Variants in PKHD1 observed in about 807,000 individuals in gnomAD.
The protein encoded by PKHD1 is fibrocystin.
PKHD1 carries 291 observed loss-of-function variants against 412.0 expected under a neutral mutation model. The ratio of observed to expected loss-of-function variants is 0.71; its 90% CI spans 0.64 to 0.78. The LOEUF (loss-of-function observed/expected upper bound fraction) is 0.78. Ranked by LOEUF, PKHD1 falls within the 30% of genes least tolerant of loss-of-function variation. The pLI is 0.00. For missense variants in PKHD1, 4,825 were observed against 4,950.7 expected (o/e 0.97, Z 0.76); for synonymous variants, 1,777 against 1,821.5 (o/e 0.98, Z 0.62).
At chr6:51,810,181 A>G (rs1764478707) in intron 52 of PKHD1, among the ~76,000 whole-genome samples, 1 of 152,128 alleles carries the variant, frequency 6.6e-6, no homozygotes. Flanking sequence ...TTTTAAAAAA[A>G]TTGATTTGGG....
chr6:51,709,710 A>C (rs899216060), intron 60 of PKHD1, among the ~76,000 whole-genome samples: 7 of 152,242 alleles, frequency 4.6e-5, no homozygotes, highest in African/African-American at 1.7e-4. Context: ...GATTTTTAAC[A>C]TGGTCATTGT....
At chr6:52,049,958 C>T (rs1806518726) in intron 22 of PKHD1, among the ~76,000 whole-genome samples, 199 bp downstream of exon 22, 1 of 152,240 alleles carries the variant, frequency 6.6e-6, no homozygotes, top group Non-Finnish European at 1.5e-5. Context: ...CCCAAACCTA[C>T]TGCCTTAGAA....
At chr6:52,048,047 G>A (rs978832515) in intron 23 of PKHD1, among the ~76,000 whole-genome samples, 1 of 152,232 alleles carries the variant, frequency 6.6e-6, no homozygotes, top group African/African-American at 2.4e-5. Flanking sequence ...CAGAGGCGGT[G>A]GTTGGAGTGA....
chr6:51,853,231 G>T (rs1276100869), intron 49 of PKHD1, among the ~76,000 whole-genome samples: 1 of 152,090 alleles, frequency 6.6e-6, no homozygotes, highest in Non-Finnish European at 1.5e-5. Flanking sequence ...GTTGAATATT[G>T]GCTTCCAATC....
rs367564272 is a variant in PKHD1 at position 51,856,076 on chromosome 6, G to T, written c.7734-6C>A. 3.1e-5 allele frequency: 48 copies of T among 1,569,384 alleles called. No individual in the cohort carries two copies. In the African/African-American group the frequency reaches 5.8e-4, roughly 19 times the overall value. On this transcript the variant is annotated splice_polypyrimidine_tract_variant and splice_region_variant and intron_variant, in intron 48 of 66. Transcript: ENST00000371117. ...AAACTTCAGGAGTATTCGCTCTAAG[G>T]TGATTTTAAAAGGAAAAAAAATGGG...
At position 51,959,850 on chromosome 6, in the gene PKHD1, A is replaced by G; in HGVS notation, c.5908+20T>C. 1.2e-6 allele frequency: 2 copies of G among 1,606,334 alleles called. No homozygotes were observed. Among genetic ancestry groups the G allele is most frequent in the Non-Finnish European group, 1.7e-6 (2 of 1,173,286 alleles). On this transcript the variant is annotated intron_variant, in intron 36 of 66. Transcript: ENST00000371117. Reference sequence around the variant, plus strand: ...TATAATCATATAGAATAATATTACCAACCTACAAACTTCACACACCTTTAA... The same window carrying G: ...TATAATCATATAGAATAATATTACCGACCTACAAACTTCACACACCTTTAA...
chr6:51,984,657 G>C (rs1795991684), intron 35 of PKHD1, among the ~76,000 whole-genome samples: 1 of 152,186 alleles, frequency 6.6e-6, no homozygotes, highest in African/African-American at 2.4e-5. Flanking sequence ...TTTCCCTGAA[G>C]CCAGTGTTAC....
At chr6:52,069,401 G>T in intron 11 of PKHD1, 56 bp downstream of exon 11, 1 of 1,241,532 alleles carries the variant, frequency 8.1e-7, no homozygotes, top group Non-Finnish European at 1.2e-6. Context: ...AGGGAAGGAG[G>T]GGCCAACATT....
chr6:51,931,791 A>G (rs1263547972), intron 37 of PKHD1, among the ~76,000 whole-genome samples: 2 of 151,846 alleles, frequency 1.3e-5, no homozygotes, highest in Non-Finnish European at 2.9e-5. Flanking sequence ...CAGTTTTGAA[A>G]ATGGCCTAAT....
chr6:51,727,614 C>T (rs1782738019), intron 60 of PKHD1, among the ~76,000 whole-genome samples: 1 of 152,146 alleles, frequency 6.6e-6, no homozygotes, highest in South Asian at 2.1e-4. Flanking sequence ...CCCTCCTTAC[C>T]CTTGGGAGGT....
chr6:51,836,336 G>A, intron 51 of PKHD1, 68 bp downstream of exon 51: 1 of 1,016,666 alleles, frequency 9.8e-7, no homozygotes, highest in East Asian at 2.4e-5. Context: ...TGACAAGGTG[G>A]AATTTGTAGA....
At chr6:51,951,929 T>C (rs1790425516) in intron 36 of PKHD1, among the ~76,000 whole-genome samples, 1 of 152,200 alleles carries the variant, frequency 6.6e-6, no homozygotes, top group East Asian at 1.9e-4. Context: ...GTAAGGAAGC[T>C]TGAAACATTT....
chr6:51,973,421 A>T (rs555832784), intron 35 of PKHD1, among the ~76,000 whole-genome samples: 2 of 152,334 alleles, frequency 1.3e-5, no homozygotes, highest in South Asian at 4.1e-4. Context: ...GGCATATAAC[A>T]TATACACATA....
chr6:51,843,325 C>T (rs1770566859), intron 50 of PKHD1, among the ~76,000 whole-genome samples: 1 of 152,220 alleles, frequency 6.6e-6, no homozygotes, highest in South Asian at 2.1e-4. Flanking sequence ...ATCACATGGG[C>T]AAGAGAGCTG....
At chr6:51,903,774 TACTCA>T (rs1389123332) in intron 42 of PKHD1, 47 bp from the exon 43 acceptor site, 5 of 1,534,540 alleles carry the variant, frequency 3.3e-6, no homozygotes, top group Admixed American at 1.7e-5. Context: ...AATTAAAATG[TACTCA>T]ACTCAACACC....
In PKHD1 at chr6:51,780,968, A is replaced by G. The variant is rs1415122325; in HGVS notation, c.8441-5047T>C. Among the ~76,000 whole-genome samples the G allele has an allele frequency of 3.3e-5, 5 of 152,296 alleles. 1 individual carries two copies. The South Asian group carries it at 8.3e-4, about 25-fold the overall frequency. ...TATAAATATCACGACTGCACATGAA[A>G]GATAAAGAAATTACCCCCAAAATAA... is the stretch of plus-strand genomic sequence containing the variant. On this transcript the variant is annotated intron_variant, in intron 53 of 66. Coordinates refer to ENST00000371117, the MANE Select transcript of PKHD1 (RefSeq NM_138694.4).
In PKHD1 at chr6:51,847,846, A is replaced by G. The variant is rs200129776; in HGVS notation, c.8036T>C (p.Leu2679Pro). ...GCCTTGGTTCTGACCTGGTGATGGAAGAAATGGAAAAGACAGACCCACTCG... is the reference window on the plus strand; with the variant it reads ...GCCTTGGTTCTGACCTGGTGATGGAGGAAATGGAAAAGACAGACCCACTCG... ...GSRVGLSFPF[L>P]PSPGQNQGCD... Residue 2679 changes from leucine (L) to proline (P), a missense_variant, in exon 50 of 67, where the codon CTT becomes CCT. Transcript: ENST00000371117. 1.3e-5 allele frequency: 21 copies of G among 1,614,092 alleles called. No individual in the cohort carries two copies. Among genetic ancestry groups the G allele is most frequent in the Non-Finnish European group, 2.5e-6 (3 of 1,179,908 alleles).
chr6:51,909,742 A>G (rs1782675296), intron 39 of PKHD1, among the ~76,000 whole-genome samples: 1 of 152,152 alleles, frequency 6.6e-6, no homozygotes, highest in African/African-American at 2.4e-5. Flanking sequence ...GAGTCAGACT[A>G]TAACCCACAA....
chr6:51,952,313 T>C (rs1236008956), intron 36 of PKHD1, among the ~76,000 whole-genome samples: 1 of 152,160 alleles, frequency 6.6e-6, no homozygotes, highest in Non-Finnish European at 1.5e-5. Flanking sequence ...TCCACTAACA[T>C]TTGAGGGTAC....
Sources: gnomAD v4.1 joint callset for allele counts (sites outside exome capture counted in the v4.1 genomes callset) on GRCh38, gnomAD v4.1.1 for gene constraint, MANE v1.5 for transcripts, NCBI Gene and HGNC (gene_info 2026-07-23, HGNC 2026-07-21) for gene names.